Variants in RASGRP4 observed in about 807,000 individuals in gnomAD.
RASGRP4 encodes RAS guanyl-releasing protein 4.
Under a neutral mutation model 84.4 loss-of-function variants are expected in RASGRP4, and 52 were observed. The ratio of observed to expected loss-of-function variants is 0.62; its 90% CI spans 0.49 to 0.78. RASGRP4 has a LOEUF of 0.78. Ranked by LOEUF, RASGRP4 falls within the 30% of genes least tolerant of loss-of-function variation. The pLI is 0.00. For missense variants in RASGRP4, 760 were observed against 886.9 expected (o/e 0.86, Z 1.82); for synonymous variants, 356 against 359.1 (o/e 0.99, Z 0.10).
At position 38,412,678 on chromosome 19, in the gene RASGRP4, A is replaced by C. The variant is rs1568407602; in HGVS notation, c.1674T>G (p.Ser558Arg). Residue 558 changes from serine to arginine, a missense_variant, in exon 13 of 17, where the codon AGT (serine) becomes AGG (arginine). By Grantham distance (110) the Ser-to-Arg change is moderately radical. Coordinates refer to ENST00000615439, the MANE Select transcript of RASGRP4 (RefSeq NM_170604.3). The surrounding 1 kb of genome is among the most constrained non-coding windows in gnomAD (Gnocchi z 4.6). ...GATGGGGTGGGGTGCTCACGAAGCC[A>C]CTGCAGCTGTCGCAGAAGGTAGGCT... ...FRKPTFCDSC[S>R]GFLWGVTKQG... 9.9e-6 allele frequency: 16 copies of C among 1,612,956 alleles called. No homozygotes were observed. Among genetic ancestry groups the C allele is most frequent in the Non-Finnish European group, 1.3e-5 (15 of 1,179,386 alleles).
chr19:38,421,377 G>C (rs1205470887), intron 2 of RASGRP4, among the ~76,000 whole-genome samples, 177 bp from the exon 3 acceptor site: 1 of 152,156 alleles, frequency 6.6e-6, no homozygotes, highest in Non-Finnish European at 1.5e-5. Context: ...TATTGTGCAT[G>C]GGGCAGCATC....
chr19:38,423,742 C>G (rs1044455738), intron 1 of RASGRP4, among the ~76,000 whole-genome samples: 11 of 152,192 alleles, frequency 7.2e-5, no homozygotes, highest in Non-Finnish European at 1.3e-4. Context: ...GAGGCTGAGG[C>G]AGAAGACTTG....
At chr19:38,411,063 C>T (rs1600543141) in intron 15 of RASGRP4, 52 bp downstream of exon 15, 1 of 1,609,708 alleles carries the variant, frequency 6.2e-7, no homozygotes. Context: ...ACCTTGGACT[C>T]AACCCCTTTC....
chr19:38,416,333 C>T (rs575272143), intron 8 of RASGRP4, among the ~76,000 whole-genome samples: 2 of 151,612 alleles, frequency 1.3e-5, no homozygotes, highest in Admixed American at 1.3e-4. Flanking sequence ...CATGGTGGTG[C>T]ACCCCTGTAA....
At position 38,418,724 on chromosome 19, in the gene RASGRP4, G is replaced by A. The variant is rs957615332; in HGVS notation, c.664-160C>T. 1.3e-5 allele frequency among the ~76,000 whole-genome samples: 2 copies of A among 152,186 alleles called. No homozygotes were observed. Among genetic ancestry groups the A allele is most frequent in the Admixed American group, 6.5e-5 (1 of 15,270 alleles). On this transcript the variant is annotated intron_variant, in intron 6 of 16. Transcript: ENST00000615439. The surrounding 1 kb of genome is among the most constrained non-coding windows in gnomAD (Gnocchi z 4.6). ...CCTCAGGCTGCTACATGTCCTTAAC[G>A]TCACCATGCTCCTCTCCCATCTGAG...
chr19:38,414,016 C>T (rs1335573174), intron 9 of RASGRP4, among the ~76,000 whole-genome samples: 1 of 152,196 alleles, frequency 6.6e-6, no homozygotes, highest in Non-Finnish European at 1.5e-5. Flanking sequence ...GCAACCTCCG[C>T]CTCCCAGGTT....
rs201449950 is a variant in RASGRP4 at position 38,420,204 on chromosome 19, T to C, written c.436A>G (p.Ile146Val). The part of the protein sequence containing the change: ...MHQDPQLEEV[I>V]GRFWATVARE... Reference sequence around the variant, plus strand: ...GCCACGGTGGCCCAGAAACGACCTATGACTTCTTCTAGCTGGGGATCCTGG... The same window carrying C: ...GCCACGGTGGCCCAGAAACGACCTACGACTTCTTCTAGCTGGGGATCCTGG... The change falls in exon 5 of 17, where the codon ATA becomes GTA. Residue 146 changes from isoleucine to valine, a missense_variant. Ile to Val is a conservative substitution (Grantham distance 29). Transcript: ENST00000615439. The C allele has an allele frequency of 1.9e-4, 302 of 1,613,198 alleles. 3 individuals carry two copies. The East Asian group carries it at 6.3e-3, about 34-fold the overall frequency.
At chr19:38,423,664 C>T (rs1481200685) in intron 1 of RASGRP4, among the ~76,000 whole-genome samples, 2 of 151,592 alleles carry the variant, frequency 1.3e-5, no homozygotes, top group African/African-American at 4.9e-5. Context: ...TGGTGAAACC[C>T]CATCTCTATT....
Position 38,418,634 on chromosome 19 carries a change from C to A in RASGRP4, c.664-70G>T. ...CTGCCCTTCCATGGCATCCAACTAG[C>A]AGTCACGATCTCTGATGTCCTAGCC... On this transcript the variant is annotated intron_variant, in intron 6 of 16. Coordinates refer to ENST00000615439, the MANE Select transcript of RASGRP4 (RefSeq NM_170604.3). This position sits in a 1 kb window ranked among gnomAD's most constrained non-coding sequence, Gnocchi z 4.6. 1 of 1,374,984 alleles carries A rather than the reference C, an allele frequency of 7.3e-7. No homozygotes were observed. The highest frequency in any genetic ancestry group is 2.6e-5 in the East Asian group (1 of 39,078). The allele number at this position is 1,374,984 out of a possible 1,614,324, so 85.2% of individuals were successfully genotyped here.
At position 38,412,172 on chromosome 19, in the gene RASGRP4, G is replaced by A. The variant is rs913470836; in HGVS notation, c.1680+500C>T. On this transcript the variant is annotated intron_variant, in intron 13 of 16. Transcript: ENST00000615439. The surrounding 1 kb of genome is among the most constrained non-coding windows in gnomAD (Gnocchi z 4.6). ...CTCGCTCTGTCACCCAAGCTGGAGT[G>A]CAGTGCTGCGATCTTGGCTCATGCA... Among the ~76,000 whole-genome samples, 1 of 152,050 alleles carries A rather than the reference G, an allele frequency of 6.6e-6. No homozygotes were observed. Among genetic ancestry groups the A allele is most frequent in the Non-Finnish European group, 1.5e-5 (1 of 68,016 alleles).
chr19:38,419,848 G>A lies in RASGRP4; in HGVS notation c.663+12C>T, dbSNP rs1445544641. 3 of 1,578,686 alleles carry A rather than the reference G, an allele frequency of 1.9e-6. No individual in the cohort carries two copies. Among genetic ancestry groups the A allele is most frequent in the Non-Finnish European group, 2.6e-6 (3 of 1,161,410 alleles). On this transcript the variant is annotated intron_variant, in intron 6 of 16. Transcript: ENST00000615439. ...TCCCCTGCTTGGGACGGGGATGGGA[G>A]GGGGTCCTCACCGTGATAGCCTGGA...
chr19:38,419,603 T>C (rs1437317860), intron 6 of RASGRP4, among the ~76,000 whole-genome samples: 3 of 152,130 alleles, frequency 2.0e-5, no homozygotes, highest in Non-Finnish European at 4.4e-5. Flanking sequence ...CTGGATAATT[T>C]TTGTATTTTT....
chr19:38,418,625 T>A lies in RASGRP4; in HGVS notation c.664-61A>T. The A allele has an allele frequency of 7.1e-7, 1 of 1,412,394 alleles. No homozygotes were observed. The highest frequency in any genetic ancestry group is 2.5e-5 in the East Asian group (1 of 39,258). 87.5% of individuals were successfully genotyped at this position (1,412,394 alleles called of 1,614,324 possible). On this transcript the variant is annotated intron_variant, in intron 6 of 16. Coordinates refer to ENST00000615439, the MANE Select transcript of RASGRP4 (RefSeq NM_170604.3). This position sits in a 1 kb window ranked among gnomAD's most constrained non-coding sequence, Gnocchi z 4.6. The stretch of plus-strand genomic sequence containing the variant: ...GCTCAGGCCCTGCCCTTCCATGGCA[T>A]CCAACTAGCAGTCACGATCTCTGAT...
chr19:38,411,548 C>T, intron 13 of RASGRP4, 167 bp from the exon 14 acceptor site: 2 of 681,740 alleles, frequency 2.9e-6, no homozygotes, highest in Non-Finnish European at 4.8e-6. Flanking sequence ...GTGGCTCATG[C>T]CAGTAATCCC....
chr19:38,418,623 C>T lies in RASGRP4; in HGVS notation c.664-59G>A. 7.1e-7 allele frequency: 1 copy of T among 1,418,278 alleles called. No individual in the cohort carries two copies. Among genetic ancestry groups the T allele is most frequent in the Admixed American group, 2.7e-5 (1 of 37,298 alleles). The allele number at this position is 1,418,278 out of a possible 1,614,324, so 87.9% of individuals were successfully genotyped here. A position where few individuals can be genotyped will look rare whatever the true frequency, so the allele number is the denominator to read the frequency against. On this transcript the variant is annotated intron_variant, in intron 6 of 16. Coordinates refer to ENST00000615439, the MANE Select transcript of RASGRP4 (RefSeq NM_170604.3). The surrounding 1 kb of genome is among the most constrained non-coding windows in gnomAD (Gnocchi z 4.6). The stretch of plus-strand genomic sequence containing the variant: ...GCGCTCAGGCCCTGCCCTTCCATGG[C>T]ATCCAACTAGCAGTCACGATCTCTG...
chr19:38,421,188 C>T lies in RASGRP4; in HGVS notation c.221G>A (p.Ser74Asn), dbSNP rs544684240. Residue 74 changes from serine (S) to asparagine (N), a missense_variant, in exon 3 of 17, where the codon AGC (serine) becomes AAC (asparagine). Ser to Asn is a conservative substitution (Grantham distance 46, BLOSUM62 1). Coordinates refer to ENST00000615439, the MANE Select transcript of RASGRP4 (RefSeq NM_170604.3). ...GAGCATGTGGTCCTCGTGGCACAGG[C>T]TGCCAGCTGAATCTGGGGTGGAAGG... ...KCIQSFDSAG[S>N]LCHEDHMLNM... 1.9e-5 allele frequency: 30 copies of T among 1,613,210 alleles called. 1 individual carries two copies. The South Asian group carries it at 3.1e-4, about 17-fold the overall frequency.
chr19:38,409,067 T>A lies in RASGRP4; in HGVS notation c.*973A>T. ...ACCAAGAACCATGTTCTCCAGAGAA[T>A]AAATTTAATTTATGACAGCTGTAGG... is the stretch of plus-strand genomic sequence containing the variant. On this transcript the variant is annotated 3_prime_UTR_variant, in exon 17 of 17. Coordinates refer to ENST00000615439, the MANE Select transcript of RASGRP4 (RefSeq NM_170604.3). The A allele has an allele frequency of 1.9e-6, 1 of 524,160 alleles. No homozygotes were observed. Among genetic ancestry groups the A allele is most frequent in the Non-Finnish European group, 3.1e-6 (1 of 324,684 alleles). The allele number at this position is 524,160 out of a possible 1,614,324, so 32.5% of individuals were successfully genotyped here.
At chr19:38,425,199 A>AAC (rs1971939330) in intron 1 of RASGRP4, among the ~76,000 whole-genome samples, 1 of 149,812 alleles carries the variant, frequency 6.7e-6, no homozygotes, top group African/African-American at 2.5e-5. Context: ...AAAAAAACAA[A>AAC]AAAAAAAAAA....
At chr19:38,420,825 G>C in intron 4 of RASGRP4, 83 bp downstream of exon 4, 1 of 1,406,890 alleles carries the variant, frequency 7.1e-7, no homozygotes, top group Middle Eastern at 1.8e-4. Flanking sequence ...ACTGGCCTGG[G>C]GATTCTCTGA....
Sources: gnomAD v4.1 joint callset for allele counts (sites outside exome capture counted in the v4.1 genomes callset) on GRCh38, gnomAD v4.1.1 for gene constraint, Gnocchi (gnomAD v3.1) non-coding constraint, MANE v1.5 for transcripts, NCBI Gene and HGNC (gene_info 2026-07-23, HGNC 2026-07-21) for gene names.